EPHA4: variants seen among roughly 807,000 people sequenced by gnomAD.
The protein encoded by EPHA4 is EPH receptor A4.
A neutral mutation model predicts 108.3 loss-of-function variants in EPHA4; 19 were observed. The ratio of observed to expected loss-of-function variants is 0.18; its 90% CI spans 0.12 to 0.26. The LOEUF is 0.26. Ranked by LOEUF, EPHA4 falls within the 10% of genes least tolerant of loss-of-function variation. EPHA4 has a pLI of 1.00. For synonymous variants in EPHA4, 449 were observed against 455.5 expected (o/e 0.99, Z 0.18); for missense variants, 917 against 1,254.0 (o/e 0.73, Z 4.06).
At position 221,527,829 on chromosome 2, in the gene EPHA4, CATGGCTAAGGAACTGTCGG is replaced by C. The variant is rs367653033; in HGVS notation, c.824-26676_824-26658del. On this transcript the variant is annotated intron_variant, in intron 3 of 17. Transcript: ENST00000281821. ...AAGAGATGAGGGAACTTATCTGTCACATGGCTAAGGAACTGTCGGAGCAGGGTGGAGTCCAAGGCAATCT... is the reference window on the plus strand; with the variant it reads ...AAGAGATGAGGGAACTTATCTGTCACAGCAGGGTGGAGTCCAAGGCAATCT... Among the ~76,000 whole-genome samples, 74 of 152,308 alleles carry C rather than the reference CATGGCTAAGGAACTGTCGG, an allele frequency of 4.9e-4. 3 individuals carry two copies. In the East Asian group the frequency reaches 0.014, roughly 28 times the overall value.
At chr2:221,538,014 T>G (rs1223376750) in intron 3 of EPHA4, among the ~76,000 whole-genome samples, 1 of 151,936 alleles carries the variant, frequency 6.6e-6, no homozygotes, top group Non-Finnish European at 1.5e-5. Flanking sequence ...AAAGGGGGGG[T>G]TATACTTTAG....
intron 3 of EPHA4, among the ~76,000 whole-genome samples, chr2:221,529,863 T>G (rs1021978886): frequency 3.3e-5 from 5 of 152,170 alleles, no homozygotes; most frequent in Non-Finnish European, 1.5e-5. Context: ...CGAGTCTATT[T>G]TCCTGGACAT....
In EPHA4 at chr2:221,571,837, T is replaced by C. The variant is rs1180301491; in HGVS notation, c.91+321A>G. 6.6e-6 allele frequency among the ~76,000 whole-genome samples: 1 copy of C among 152,164 alleles called. No individual in the cohort carries two copies. Among genetic ancestry groups the C allele is most frequent in the Non-Finnish European group, 1.5e-5 (1 of 68,036 alleles). On this transcript the variant is annotated intron_variant, in intron 1 of 17. Coordinates refer to ENST00000281821, the MANE Select transcript of EPHA4 (RefSeq NM_004438.5). This position sits in a 1 kb window ranked among gnomAD's most constrained non-coding sequence, Gnocchi z 6.3. The stretch of plus-strand genomic sequence containing the variant: ...GGACGTGGTTCTTGTAATTTTTTTT[T>C]TAAATCCCGGCGTTGTCTCCCGTGC...
At chr2:221,455,728 C>T (rs757826625) in intron 7 of EPHA4, 70 bp from the exon 8 acceptor site, 104 of 1,129,202 alleles carry the variant, frequency 9.2e-5, no homozygotes, top group Non-Finnish European at 1.8e-5. Context: ...GAATGGGTCA[C>T]AGTTTTCAGT....
chr2:221,419,720 G>A lies in EPHA4; in HGVS notation c.*1652C>T, dbSNP rs560721180. 1 of 152,576 alleles carries A rather than the reference G, an allele frequency of 6.6e-6. No individual in the cohort carries two copies. The highest frequency in any genetic ancestry group is 2.1e-4 in the South Asian group (1 of 4,822). 9.5% of individuals were successfully genotyped at this position (152,576 alleles called of 1,614,324 possible). ...TCCAAAGCTGTAGAATTCTTATTAAGGTTAGTGTGACAGCTACAAAATACA... is the reference window on the plus strand; with the variant it reads ...TCCAAAGCTGTAGAATTCTTATTAAAGTTAGTGTGACAGCTACAAAATACA... On this transcript the variant is annotated 3_prime_UTR_variant, in exon 18 of 18. Coordinates refer to ENST00000281821, the MANE Select transcript of EPHA4 (RefSeq NM_004438.5).
At chr2:221,487,497 T>C (rs537062354) in intron 4 of EPHA4, among the ~76,000 whole-genome samples, 74 of 152,336 alleles carry the variant, frequency 4.9e-4, no homozygotes, top group Non-Finnish European at 8.5e-4. Context: ...GCTTTATCTC[T>C]GGGGAAAACT....
intron 5 of EPHA4, among the ~76,000 whole-genome samples, chr2:221,462,363 T>C (rs2288625): frequency 0.66 from 100,334 of 151,764 alleles, 34,595 homozygotes; most frequent in East Asian, 0.79. Context: ...AAGGTGCCTA[T>C]CCCCGAGACC....
chr2:221,418,244 G>A lies in EPHA4; in HGVS notation c.*3128C>T, dbSNP rs1475365321. 6.6e-6 allele frequency: 1 copy of A among 152,526 alleles called. No homozygotes were observed. The highest frequency in any genetic ancestry group is 1.9e-4 in the East Asian group (1 of 5,192). 9.4% of individuals were successfully genotyped at this position (152,526 alleles called of 1,614,324 possible). A position where few individuals can be genotyped will look rare whatever the true frequency, so the allele number is the denominator to read the frequency against. On this transcript the variant is annotated 3_prime_UTR_variant, in exon 18 of 18. Transcript: ENST00000281821. ...AACTCCAGAAATCACTCAAAGTTTG[G>A]AACGTGTGAACCGAACAATGTTCTG...
intron 8 of EPHA4, among the ~76,000 whole-genome samples, chr2:221,454,272 A>G (rs60321468): frequency 1.3e-5 from 2 of 152,016 alleles, no homozygotes; most frequent in South Asian, 4.2e-4. Context: ...ATTATAATGT[A>G]TATCAGAGGA....
At chr2:221,437,946 A>T (rs1690298025) in intron 11 of EPHA4, among the ~76,000 whole-genome samples, 1 of 85,436 alleles carries the variant, frequency 1.2e-5, no homozygotes, top group Non-Finnish European at 2.6e-5. Context: ...ACAAAAAAAC[A>T]AGCATGCGAC....
chr2:221,572,438 G>A (rs1694876154), upstream of EPHA4: 2 of 466,260 alleles, frequency 4.3e-6, no homozygotes, highest in South Asian at 6.4e-5. Context: ...ACCGAGCAGG[G>A]CCCGCCCCAG....
In EPHA4 at chr2:221,447,087, T is replaced by G. The variant is rs115955057; in HGVS notation, c.1716-906A>C. Among the ~76,000 whole-genome samples the G allele has an allele frequency of 5.9e-3, 894 of 152,294 alleles. 9 individuals carry two copies. Among genetic ancestry groups the G allele is most frequent in the African/African-American group, 0.02 (846 of 41,554 alleles). On this transcript the variant is annotated intron_variant, in intron 8 of 17. Transcript: ENST00000281821. Reference sequence around the variant, plus strand: ...ATCAAAAATCTTGAATATATATACATAGTGAGTCAGGAGAATATATATCAC... The same window carrying G: ...ATCAAAAATCTTGAATATATATACAGAGTGAGTCAGGAGAATATATATCAC...
chr2:221,523,930 G>A (rs1168080531), intron 3 of EPHA4, among the ~76,000 whole-genome samples: 1 of 152,088 alleles, frequency 6.6e-6, no homozygotes, highest in African/African-American at 2.4e-5. Flanking sequence ...CTAGGTGCTG[G>A]GATAAATTCA....
At chr2:221,569,794 C>T (rs1271646238) in intron 1 of EPHA4, among the ~76,000 whole-genome samples, 1 of 152,132 alleles carries the variant, frequency 6.6e-6, no homozygotes, top group Non-Finnish European at 1.5e-5. Context: ...ATGCGCACCC[C>T]AACACTCAAG....
chr2:221,429,757 T>G (rs1690016250), intron 15 of EPHA4, among the ~76,000 whole-genome samples: 1 of 152,182 alleles, frequency 6.6e-6, no homozygotes, highest in Non-Finnish European at 1.5e-5. Flanking sequence ...TATAACTATT[T>G]GATGCCTGAC....
At chr2:221,449,450 C>A (rs1690701257) in intron 8 of EPHA4, among the ~76,000 whole-genome samples, 1 of 152,144 alleles carries the variant, frequency 6.6e-6, no homozygotes, top group Non-Finnish European at 1.5e-5. Flanking sequence ...TGTGGACAAG[C>A]TGATTAAAAC....
rs150393960 is a variant in EPHA4 at position 221,556,335 on chromosome 2, C to T, written c.823+7396G>A. 1.8e-3 allele frequency among the ~76,000 whole-genome samples: 281 copies of T among 152,230 alleles called. 2 individuals are homozygous for T. The highest frequency in any genetic ancestry group is 6.5e-3 in the African/African-American group (269 of 41,522). ...TTTTTGAGACAGAGTCTCGCTGTAT[C>T]GCCCAGGCTGGAGTGCAGTGGTGAG... is the stretch of plus-strand genomic sequence containing the variant. On this transcript the variant is annotated intron_variant, in intron 3 of 17. Transcript: ENST00000281821.
intron 5 of EPHA4, among the ~76,000 whole-genome samples, chr2:221,459,182 C>T (rs1035356059): frequency 1.3e-5 from 2 of 152,092 alleles, no homozygotes; most frequent in African/African-American, 4.8e-5. Flanking sequence ...GCAGACACAC[C>T]ATAGTCACAC....
intron 3 of EPHA4, among the ~76,000 whole-genome samples, chr2:221,530,440 A>T (rs1291315115): frequency 6.6e-6 from 1 of 152,234 alleles, no homozygotes; most frequent in African/African-American, 2.4e-5. Context: ...ATTTGCGCGC[A>T]GTAGGAAGCA....
Sources: gnomAD v4.1 joint callset for allele counts (sites outside exome capture counted in the v4.1 genomes callset) on GRCh38, gnomAD v4.1.1 for gene constraint, Gnocchi (gnomAD v3.1) non-coding constraint, MANE v1.5 for transcripts, NCBI Gene and HGNC (gene_info 2026-07-23, HGNC 2026-07-21) for gene names.